SMARCB1: variants seen among roughly 807,000 people sequenced by gnomAD.
SMARCB1 encodes SWI/SNF related BAF chromatin remodeling complex subunit B1, also known as SWI/SNF-related matrix-associated actin-dependent regulator of chromatin subfamily B member 1.
In SMARCB1, 5 loss-of-function variants were observed where a neutral mutation model predicts 49.0. The observed-to-expected ratio is 0.10, with a 90% CI of 0.05 to 0.21. The LOEUF is 0.21. SMARCB1 is among the 10% of genes least tolerant of loss of function. SMARCB1 has a pLI of 1.00. For missense variants in SMARCB1, 226 were observed against 509.2 expected (o/e 0.44, Z 5.35); for synonymous variants, 201 against 200.1 (o/e 1.00, Z -0.04).
chr22:23,832,067 A>G (rs1288940680), intron 7 of SMARCB1, among the ~76,000 whole-genome samples: 1 of 152,178 alleles, frequency 6.6e-6, no homozygotes, highest in Non-Finnish European at 1.5e-5. Context: ...CGCTGTGCCC[A>G]CAGTCCCTGA....
chr22:23,825,473 A>AAT, intron 7 of SMARCB1, 58 bp downstream of exon 7: 2 of 1,481,050 alleles, frequency 1.4e-6, no homozygotes, highest in South Asian at 2.3e-5. Context: ...GTTTTGAGAA[A>AAT]GACTTCTCTG....
At chr22:23,817,307 G>T in intron 6 of SMARCB1, 1 of 349,508 alleles carries the variant, frequency 2.9e-6, no homozygotes, top group Admixed American at 4.0e-5. Context: ...TGAAGAGGTG[G>T]GCACGTGGAG....
chr22:23,830,071 GGTT>G (rs1395481685), intron 7 of SMARCB1, among the ~76,000 whole-genome samples: 2 of 152,110 alleles, frequency 1.3e-5, no homozygotes, highest in African/African-American at 4.8e-5. Context: ...TTGACTTTTG[GGTT>G]GTTTCCATTT....
rs1393281456 is a variant in SMARCB1, at chr22:23,837,395, T to C, written c.*3215T>C. The C allele has an allele frequency of 3.1e-6, 2 of 650,074 alleles. No homozygotes were observed. The highest frequency in any genetic ancestry group is 5.2e-6 in the Non-Finnish European group (2 of 382,332). 40.3% of individuals were successfully genotyped at this position (650,074 alleles called of 1,614,324 possible). A position where few individuals can be genotyped will look rare whatever the true frequency, so the allele number is the denominator to read the frequency against. On this transcript the variant is annotated 3_prime_UTR_variant, in exon 9 of 9. Coordinates refer to ENST00000644036, the MANE Select transcript of SMARCB1 (RefSeq NM_003073.5). The stretch of plus-strand genomic sequence containing the variant: ...GAGAATAGTGGAGGAGTGGGAGCCA[T>C]GGGGCAGGAACCCTGACCCTCCCAT...
chr22:23,828,703 G>A (rs2030506876), intron 7 of SMARCB1, among the ~76,000 whole-genome samples: 1 of 152,138 alleles, frequency 6.6e-6, no homozygotes, highest in East Asian at 1.9e-4. Context: ...GGAAGCACTC[G>A]CTGATTCCCC....
intron 4 of SMARCB1, chr22:23,801,433 C>G: frequency 1.7e-6 from 1 of 583,560 alleles, no homozygotes; most frequent in South Asian, 1.6e-5. Flanking sequence ...CCCACTGTGC[C>G]ACCATTTCCC....
rs559470526 is a variant in SMARCB1 at position 23,834,976 on chromosome 22, C to G, written c.*796C>G. 8.4e-6 allele frequency: 13 copies of G among 1,541,882 alleles called. No homozygotes were observed. In the South Asian group the frequency reaches 1.6e-4, roughly 19 times the overall value. ...TGTGTGGGCACTGCTGGGCTGTCGC[C>G]AGCCTGGGTGCAGGAGGGCTGTTCT... is the stretch of plus-strand genomic sequence containing the variant. On this transcript the variant is annotated 3_prime_UTR_variant, in exon 9 of 9. Transcript: ENST00000644036.
At chr22:23,813,749 A>G (rs1930016624) in intron 5 of SMARCB1, among the ~76,000 whole-genome samples, 2 of 152,030 alleles carry the variant, frequency 1.3e-5, no homozygotes, top group Admixed American at 1.3e-4. Flanking sequence ...TCCCAGCAAG[A>G]TTTTTTTTGT....
intron 6 of SMARCB1, among the ~76,000 whole-genome samples, chr22:23,820,441 G>A (rs1056877994): frequency 1.6e-4 from 24 of 152,110 alleles, no homozygotes; most frequent in African/African-American, 5.3e-4. Flanking sequence ...GGGTATGGTG[G>A]CACACACCTG....
At chr22:23,807,996 C>G (rs926016989) in intron 5 of SMARCB1, among the ~76,000 whole-genome samples, 1 of 145,286 alleles carries the variant, frequency 6.9e-6, no homozygotes, top group African/African-American at 2.6e-5. Flanking sequence ...GAGTCTGTCG[C>G]TCAGGCTGGA....
At chr22:23,811,534 AGT>A (rs1929870122) in intron 5 of SMARCB1, among the ~76,000 whole-genome samples, 1 of 152,244 alleles carries the variant, frequency 6.6e-6, no homozygotes, top group African/African-American at 2.4e-5. Context: ...AACCATACAG[AGT>A]GTGTTCTCCA....
chr22:23,812,793 CAG>C (rs2146000687), intron 5 of SMARCB1, among the ~76,000 whole-genome samples: 1 of 151,054 alleles, frequency 6.6e-6, no homozygotes, highest in Admixed American at 6.6e-5. Flanking sequence ...TAAAAATGCT[CAG>C]AAAAATAATA....
At chr22:23,807,776 G>A (rs1334758808) in intron 5 of SMARCB1, among the ~76,000 whole-genome samples, 1 of 149,498 alleles carries the variant, frequency 6.7e-6, no homozygotes, top group Non-Finnish European at 1.5e-5. Context: ...CAATAAGAAT[G>A]GTGGTAGATT....
At chr22:23,799,389 A>C (rs1320431213) in intron 3 of SMARCB1, among the ~76,000 whole-genome samples, 11 of 139,692 alleles carry the variant, frequency 7.9e-5, no homozygotes, top group African/African-American at 2.4e-4. Context: ...AGTGATTCTC[A>C]TGCTTCAGCC....
rs1185444916 is a variant in SMARCB1 at position 23,816,525 on chromosome 22, T to C, written c.629-245T>C. On this transcript the variant is annotated intron_variant, in intron 5 of 8. Coordinates refer to ENST00000644036, the MANE Select transcript of SMARCB1 (RefSeq NM_003073.5). ...CCAGCTATGAGTGGAATGAGGGAAG[T>C]GTTTATGGCCATGACCACCCCCAGG... 8.3e-6 allele frequency: 5 copies of C among 600,746 alleles called. No individual in the cohort carries two copies. In the East Asian group the frequency reaches 1.4e-4, roughly 17 times the overall value. 37.2% of individuals were successfully genotyped at this position (600,746 alleles called of 1,614,324 possible). A position where few individuals can be genotyped will look rare whatever the true frequency, so the allele number is the denominator to read the frequency against.
At chr22:23,807,178 C>T (rs1929547525) in intron 5 of SMARCB1, among the ~76,000 whole-genome samples, 1 of 152,158 alleles carries the variant, frequency 6.6e-6, no homozygotes, top group Non-Finnish European at 1.5e-5. Flanking sequence ...AGGGGATCCC[C>T]TCAGGAAGAG....
intron 6 of SMARCB1, 58 bp downstream of exon 6, chr22:23,816,994 A>G (rs1019347401): frequency 4.2e-6 from 6 of 1,425,792 alleles, no homozygotes; most frequent in Admixed American, 1.7e-5. Flanking sequence ...GGGTGTCATC[A>G]TGGAGCACTG....
Position 23,833,568 on chromosome 22 carries a change from G to A in SMARCB1, c.987-4G>A, listed in dbSNP as rs745773662. On this transcript the variant is annotated splice_polypyrimidine_tract_variant and splice_region_variant and intron_variant, in intron 7 of 8. Transcript: ENST00000644036. ...ATTCCTCTCACTGCCTCCCCTCCTC[G>A]TAGCGAGAACCCTCTGCCCACAGTG... 43 of 1,614,022 alleles carry A rather than the reference G, an allele frequency of 2.7e-5. No homozygotes were observed. The highest frequency in any genetic ancestry group is 2.0e-4 in the East Asian group (9 of 44,894).
rs1277398158 is a variant in SMARCB1 at position 23,836,884 on chromosome 22, T to G, written c.*2704T>G. On this transcript the variant is annotated 3_prime_UTR_variant, in exon 9 of 9. Coordinates refer to ENST00000644036, the MANE Select transcript of SMARCB1 (RefSeq NM_003073.5). ...TGGGTGGGGGTCACTGCTGCGGGGG[T>G]GGCAGATGGGGTCCTGGCTGTTCCT... The G allele has an allele frequency of 4.1e-6, 6 of 1,470,442 alleles. No individual in the cohort carries two copies. In the South Asian group the frequency reaches 7.2e-5, roughly 18 times the overall value. 91.1% of individuals were successfully genotyped at this position (1,470,442 alleles called of 1,614,324 possible). A position where few individuals can be genotyped will look rare whatever the true frequency, so the allele number is the denominator to read the frequency against.
Sources: allele counts gnomAD v4.1 joint callset (sites outside exome capture counted in the v4.1 genomes callset), GRCh38; gene constraint gnomAD v4.1.1; transcripts MANE v1.5; gene names NCBI Gene and HGNC (gene_info 2026-07-23, HGNC 2026-07-21).